Variants in OR2A5 observed in about 807,000 individuals in gnomAD.
OR2A5 encodes the protein olfactory receptor family 2 subfamily A member 5, also known as olfactory receptor 2A5.
OR2A5 carries 2 observed loss-of-function variants against 1.9 expected under a neutral mutation model. The ratio of observed to expected loss-of-function variants is 1.04; its 90% confidence interval spans 0.43 to 3.28. The LOEUF is 3.28. Among genes scored for constraint, OR2A5 ranks in the 30% most tolerant of loss-of-function variants. OR2A5 has a pLI of 0.08. For synonymous variants in OR2A5, 160 were observed against 154.5 expected (o/e 1.04, Z -0.26); for missense variants, 391 against 375.9 (o/e 1.04, Z -0.33).
rs2050950350 is a variant in OR2A5 at position 144,057,621 on chromosome 7, C to G, written c.*6284C>G. The G allele has an allele frequency of 1.3e-5, 2 of 152,030 alleles. No homozygotes were observed. Among genetic ancestry groups the G allele is most frequent in the Non-Finnish European group, 1.5e-5 (1 of 68,006 alleles). The allele number at this position is 152,030 out of a possible 1,614,324, so 9.4% of individuals were successfully genotyped here. A position where few individuals can be genotyped will look rare whatever the true frequency, so the allele number is the denominator to read the frequency against. Reference sequence around the variant, plus strand: ...AACTGTTACTCTACAATTTCACACACAGTTAAACTGTAATTCAAGAAAAAG... The same window carrying G: ...AACTGTTACTCTACAATTTCACACAGAGTTAAACTGTAATTCAAGAAAAAG... On this transcript the variant is annotated 3_prime_UTR_variant, in exon 2 of 2. Transcript: ENST00000641693.
Position 144,051,398 on chromosome 7 carries a change from G to T in OR2A5, c.*61G>T. The T allele has an allele frequency of 7.5e-7, 1 of 1,338,734 alleles. No homozygotes were observed. Among genetic ancestry groups the T allele is most frequent in the Non-Finnish European group, 1.0e-6 (1 of 966,022 alleles). The allele number at this position is 1,338,734 out of a possible 1,614,324, so 82.9% of individuals were successfully genotyped here. ...GCTCCCAATGAGATTTGTAGGAACA[G>T]TGGTGTAAATGCCTTACAGTCTCAT... On this transcript the variant is annotated 3_prime_UTR_variant, in exon 2 of 2. Transcript: ENST00000641693.
intron 1 of OR2A5, 103 bp from the exon 2 acceptor site, chr7:144,050,248 T>C (rs1193534737): frequency 1.8e-6 from 1 of 541,288 alleles, no homozygotes; most frequent in Admixed American, 3.5e-5. Flanking sequence ...GGATTTGGCA[T>C]AATGGCTCCG....
chr7:144,053,014 AG>A lies in OR2A5; in HGVS notation c.*1678del, dbSNP rs1228364053. On this transcript the variant is annotated 3_prime_UTR_variant, in exon 2 of 2. Coordinates refer to ENST00000641693, the MANE Select transcript of OR2A5 (RefSeq NM_012365.2). ...AAGAAAAGGGAAAGAGGAAACATAT[AG>A]AATAGTTCATCTCATATAAAACATA... 3 of 152,148 alleles carry A rather than the reference AG, an allele frequency of 2.0e-5. No homozygotes were observed. The highest frequency in any genetic ancestry group is 4.4e-5 in the Non-Finnish European group (3 of 68,026). The allele number at this position is 152,148 out of a possible 1,614,324, so 9.4% of individuals were successfully genotyped here. A position where few individuals can be genotyped will look rare whatever the true frequency, so the allele number is the denominator to read the frequency against.
At position 144,053,948 on chromosome 7, in the gene OR2A5, C is replaced by G. The variant is rs1391146217; in HGVS notation, c.*2611C>G. ...AAGGGACAATCTGAACGAGAGACAC[C>G]CTGCTGTTCTCAGTGATCATCTTAC... On this transcript the variant is annotated 3_prime_UTR_variant, in exon 2 of 2. Coordinates refer to ENST00000641693, the MANE Select transcript of OR2A5 (RefSeq NM_012365.2). The G allele has an allele frequency of 1.3e-5, 2 of 152,194 alleles. No individual in the cohort carries two copies. The highest frequency in any genetic ancestry group is 2.1e-4 in the South Asian group (1 of 4,830). 9.4% of individuals were successfully genotyped at this position (152,194 alleles called of 1,614,324 possible). A position where few individuals can be genotyped will look rare whatever the true frequency, so the allele number is the denominator to read the frequency against.
In OR2A5 at chr7:144,056,985, T is replaced by C. The variant is rs1033478181; in HGVS notation, c.*5648T>C. On this transcript the variant is annotated 3_prime_UTR_variant, in exon 2 of 2. Transcript: ENST00000641693. ...GTCTGCCACCATGCCCGGCTAATTT[T>C]TTGCATTTTTAGTAGAGACGGGGTT... The C allele has an allele frequency of 1.3e-5, 2 of 152,124 alleles. No individual in the cohort carries two copies. Among genetic ancestry groups the C allele is most frequent in the Non-Finnish European group, 2.9e-5 (2 of 68,088 alleles). The allele number at this position is 152,124 out of a possible 1,614,324, so 9.4% of individuals were successfully genotyped here.
At position 144,051,563 on chromosome 7, in the gene OR2A5, A is replaced by T; in HGVS notation, c.*226A>T. On this transcript the variant is annotated 3_prime_UTR_variant, in exon 2 of 2. Coordinates refer to ENST00000641693, the MANE Select transcript of OR2A5 (RefSeq NM_012365.2). The stretch of plus-strand genomic sequence containing the variant: ...GAGGTGCAAAGTGCCATGAACTCCT[A>T]CTCCCAGGTCCCACCCCTACCCAGG... The T allele has an allele frequency of 2.1e-6, 1 of 479,186 alleles. No individual in the cohort carries two copies. The highest frequency in any genetic ancestry group is 3.7e-6 in the Non-Finnish European group (1 of 272,524). The allele number at this position is 479,186 out of a possible 1,614,324, so 29.7% of individuals were successfully genotyped here.
chr7:144,058,188 G>A lies in OR2A5; in HGVS notation c.*6851G>A, dbSNP rs1006556272. 2.0e-5 allele frequency: 3 copies of A among 152,162 alleles called. No homozygotes were observed. Among genetic ancestry groups the A allele is most frequent in the Non-Finnish European group, 4.4e-5 (3 of 68,036 alleles). 9.4% of individuals were successfully genotyped at this position (152,162 alleles called of 1,614,324 possible). A position where few individuals can be genotyped will look rare whatever the true frequency, so the allele number is the denominator to read the frequency against. ...AGCTCAGCGGCTATCCCGACCTGCT[G>A]CCTGACTCCCATAATCTTCACCCAT... On this transcript the variant is annotated 3_prime_UTR_variant, in exon 2 of 2. Transcript: ENST00000641693.
At chr7:144,050,082 A>T (rs924456199) in intron 1 of OR2A5, among the ~76,000 whole-genome samples, 2 of 152,216 alleles carry the variant, frequency 1.3e-5, no homozygotes, top group Non-Finnish European at 2.9e-5. Context: ...CTGAAAAACA[A>T]CTTACTCTGT....
In OR2A5 at chr7:144,053,951, G is replaced by A. The variant is rs2050922249; in HGVS notation, c.*2614G>A. The A allele has an allele frequency of 6.6e-6, 1 of 152,186 alleles. No individual in the cohort carries two copies. Among genetic ancestry groups the A allele is most frequent in the Admixed American group, 6.5e-5 (1 of 15,272 alleles). The allele number at this position is 152,186 out of a possible 1,614,324, so 9.4% of individuals were successfully genotyped here. A position where few individuals can be genotyped will look rare whatever the true frequency, so the allele number is the denominator to read the frequency against. On this transcript the variant is annotated 3_prime_UTR_variant, in exon 2 of 2. Coordinates refer to ENST00000641693, the MANE Select transcript of OR2A5 (RefSeq NM_012365.2). ...GGACAATCTGAACGAGAGACACCCT[G>A]CTGTTCTCAGTGATCATCTTACCTA...
Position 144,051,185 on chromosome 7 carries a change from C to A in OR2A5, c.784C>A (p.Pro262Thr). The change falls in exon 2 of 2, where the codon CCC (proline) becomes ACC (threonine). Residue 262 changes from proline (P) to threonine (T), a missense_variant. Pro to Thr is a conservative substitution (Grantham distance 38, BLOSUM62 -1). Coordinates refer to ENST00000641693, the MANE Select transcript of OR2A5 (RefSeq NM_012365.2). ...CAGCGCCATTGTCATGTACATGGCCCCCAAGTCCCGCCACCCTGAGGAGCA... is the reference window on the plus strand; with the variant it reads ...CAGCGCCATTGTCATGTACATGGCCACCAAGTCCCGCCACCCTGAGGAGCA... The part of the protein sequence containing the change: ...FGSAIVMYMA[P>T]KSRHPEEQQK... 1 of 1,614,172 alleles carries A rather than the reference C, an allele frequency of 6.2e-7. No individual in the cohort carries two copies. Among genetic ancestry groups the A allele is most frequent in the African/African-American group, 1.3e-5 (1 of 75,030 alleles).
chr7:144,057,544 C>T lies in OR2A5; in HGVS notation c.*6207C>T, dbSNP rs923973138. Reference sequence around the variant, plus strand: ...CAAAAGAATAACAAATAATAGTGGACTTCCCCTCAGCAAAACAGATGCCAA... The same window carrying T: ...CAAAAGAATAACAAATAATAGTGGATTTCCCCTCAGCAAAACAGATGCCAA... On this transcript the variant is annotated 3_prime_UTR_variant, in exon 2 of 2. Transcript: ENST00000641693. The T allele has an allele frequency of 6.6e-6, 1 of 152,082 alleles. No homozygotes were observed. Among genetic ancestry groups the T allele is most frequent in the Non-Finnish European group, 1.5e-5 (1 of 68,002 alleles). The allele number at this position is 152,082 out of a possible 1,614,324, so 9.4% of individuals were successfully genotyped here.
rs763283060 is a variant in OR2A5 at position 144,051,095 on chromosome 7, G to T, written c.694G>T (p.Glu232Ter). 6.2e-7 allele frequency: 1 copy of T among 1,614,168 alleles called. No individual in the cohort carries two copies. The highest frequency in any genetic ancestry group is 8.5e-7 in the Non-Finnish European group (1 of 1,180,048). ...GGCCATCTTGAGGATCCAGTCTGGGGAGGGCCGCAGAAAGGCCTTCTCCAC... is the reference window on the plus strand; with the variant it reads ...GGCCATCTTGAGGATCCAGTCTGGGTAGGGCCGCAGAAAGGCCTTCTCCAC... ...LAAILRIQSGEGRRKAFSTCS... is the reference protein window; with the variant it reads ...LAAILRIQSG The change falls in exon 2 of 2, where the codon GAG becomes TAG. Residue 232 changes from glutamate to a stop codon, truncating the protein, a stop_gained. Coordinates refer to ENST00000641693, the MANE Select transcript of OR2A5 (RefSeq NM_012365.2). LOFTEE classifies it high-confidence loss of function.
In OR2A5 at chr7:144,057,894, A is replaced by G. The variant is rs972487099; in HGVS notation, c.*6557A>G. 6.6e-6 allele frequency: 1 copy of G among 152,280 alleles called. No homozygotes were observed. Among genetic ancestry groups the G allele is most frequent in the African/African-American group, 2.4e-5 (1 of 41,472 alleles). 9.4% of individuals were successfully genotyped at this position (152,280 alleles called of 1,614,324 possible). A position where few individuals can be genotyped will look rare whatever the true frequency, so the allele number is the denominator to read the frequency against. On this transcript the variant is annotated 3_prime_UTR_variant, in exon 2 of 2. Coordinates refer to ENST00000641693, the MANE Select transcript of OR2A5 (RefSeq NM_012365.2). ...GCTGTAACAGGTTGATGTAAATAAT[A>G]CCAATGAATAATTAAATCACGGTAA... is the stretch of plus-strand genomic sequence containing the variant.
Position 144,058,712 on chromosome 7 carries a change from A to G in OR2A5, c.*7375A>G, listed in dbSNP as rs1184581242. 2 of 152,254 alleles carry G rather than the reference A, an allele frequency of 1.3e-5. No individual in the cohort carries two copies. The highest frequency in any genetic ancestry group is 4.8e-5 in the African/African-American group (2 of 41,434). The allele number at this position is 152,254 out of a possible 1,614,324, so 9.4% of individuals were successfully genotyped here. A position where few individuals can be genotyped will look rare whatever the true frequency, so the allele number is the denominator to read the frequency against. Reference sequence around the variant, plus strand: ...TCAGGAGTTCAAGACAAGCCTGGCCAATATGGTGAAACCCCATCTCTTCTA... The same window carrying G: ...TCAGGAGTTCAAGACAAGCCTGGCCGATATGGTGAAACCCCATCTCTTCTA... On this transcript the variant is annotated 3_prime_UTR_variant, in exon 2 of 2. Transcript: ENST00000641693.
At position 144,052,314 on chromosome 7, in the gene OR2A5, T is replaced by A. The variant is rs1039492974; in HGVS notation, c.*977T>A. 7.2e-5 allele frequency: 11 copies of A among 152,306 alleles called. No individual in the cohort carries two copies. Among genetic ancestry groups the A allele is most frequent in the Middle Eastern group, 3.4e-3 (1 of 294 alleles). The allele number at this position is 152,306 out of a possible 1,614,324, so 9.4% of individuals were successfully genotyped here. A position where few individuals can be genotyped will look rare whatever the true frequency, so the allele number is the denominator to read the frequency against. ...CTGGACCCAAGTGGTCAGAATGACA[T>A]GGACAGGTAATTTGTTTTATTTTAA... is the stretch of plus-strand genomic sequence containing the variant. On this transcript the variant is annotated 3_prime_UTR_variant, in exon 2 of 2. Transcript: ENST00000641693.
Position 144,051,516 on chromosome 7 carries a change from C to T in OR2A5, c.*179C>T, listed in dbSNP as rs1406105000. ...AGATCACAAAGCACATGCAGACAGGCGCTGAGCCGTGTGGTGCAGCAGAGG... is the reference window on the plus strand; with the variant it reads ...AGATCACAAAGCACATGCAGACAGGTGCTGAGCCGTGTGGTGCAGCAGAGG... On this transcript the variant is annotated 3_prime_UTR_variant, in exon 2 of 2. Transcript: ENST00000641693. 6 of 614,970 alleles carry T rather than the reference C, an allele frequency of 9.8e-6. No individual in the cohort carries two copies. The highest frequency in any genetic ancestry group is 2.8e-5 in the East Asian group (1 of 35,526). 38.1% of individuals were successfully genotyped at this position (614,970 alleles called of 1,614,324 possible).
chr7:144,051,537 A>G lies in OR2A5; in HGVS notation c.*200A>G. The G allele has an allele frequency of 1.8e-6, 1 of 551,620 alleles. No homozygotes were observed. Among genetic ancestry groups the G allele is most frequent in the South Asian group, 2.6e-5 (1 of 38,528 alleles). The allele number at this position is 551,620 out of a possible 1,614,324, so 34.2% of individuals were successfully genotyped here. ...CAGGCGCTGAGCCGTGTGGTGCAGC[A>G]GAGGTGCAAAGTGCCATGAACTCCT... On this transcript the variant is annotated 3_prime_UTR_variant, in exon 2 of 2. Transcript: ENST00000641693.
intron 1 of OR2A5, among the ~76,000 whole-genome samples, 190 bp downstream of exon 1, chr7:144,049,323 A>C (rs751970751): frequency 6.6e-6 from 1 of 152,232 alleles, no homozygotes; most frequent in African/African-American, 2.4e-5. Context: ...AGAATGACGC[A>C]TTGATCATTT....
At position 144,053,708 on chromosome 7, in the gene OR2A5, G is replaced by A. The variant is rs141284823; in HGVS notation, c.*2371G>A. On this transcript the variant is annotated 3_prime_UTR_variant, in exon 2 of 2. Transcript: ENST00000641693. ...GGTTAGACTCAACATCCACATGATGGGGCAGAGTCTGGAACAAAACGGAGT... is the reference window on the plus strand; with the variant it reads ...GGTTAGACTCAACATCCACATGATGAGGCAGAGTCTGGAACAAAACGGAGT... 26 of 152,298 alleles carry A rather than the reference G, an allele frequency of 1.7e-4. No individual in the cohort carries two copies. The highest frequency in any genetic ancestry group is 6.3e-4 in the African/African-American group (26 of 41,560). The allele number at this position is 152,298 out of a possible 1,614,324, so 9.4% of individuals were successfully genotyped here.
Sources: gnomAD v4.1 joint callset for allele counts (sites outside exome capture counted in the v4.1 genomes callset) on GRCh38, gnomAD v4.1.1 for gene constraint, MANE v1.5 for transcripts, NCBI Gene and HGNC (gene_info 2026-07-23, HGNC 2026-07-21) for gene names.